The following GMDS variants were observed in gnomAD, a reference collection of about 807,000 sequenced individuals.
The protein encoded by GMDS is GDP-mannose 4,6-dehydratase.
GMDS carries 20 observed loss-of-function variants against 49.9 expected under a neutral mutation model. That is an observed-to-expected ratio of 0.40 (90% CI 0.28 to 0.58). The LOEUF (loss-of-function observed/expected upper bound fraction) is 0.58. GMDS is among the 20% of genes least tolerant of loss of function. The pLI, the probability that GMDS is intolerant of heterozygous loss-of-function variation, is 0.42. For synonymous variants in GMDS, 177 were observed against 178.6 expected, an observed-to-expected ratio of 0.99 and a Z score of 0.07; for missense variants, 362 against 481.4, an observed-to-expected ratio of 0.75 and a Z score of 2.32.
chr6:1,867,982 A>C (rs1581275447), intron 7 of GMDS, among the ~76,000 whole-genome samples: 1 of 149,452 alleles, frequency 6.7e-6, no homozygotes, highest in Non-Finnish European at 1.5e-5. Flanking sequence ...TTTCCTTCTC[A>C]ACAGCTGTTC....
chr6:2,095,959 T>G (rs1773581365), intron 4 of GMDS, among the ~76,000 whole-genome samples: 1 of 152,134 alleles, frequency 6.6e-6, no homozygotes, highest in Non-Finnish European at 1.5e-5. Context: ...ACATCACAGA[T>G]AGAGCAAGCA....
intron 1 of GMDS, among the ~76,000 whole-genome samples, chr6:2,215,756 T>C (rs1380757517): frequency 6.6e-6 from 1 of 152,194 alleles, no homozygotes; most frequent in Non-Finnish European, 1.5e-5. Context: ...ATCACCTTAT[T>C]CGGACCCTGA....
chr6:1,951,393 T>C (rs1763334936), intron 6 of GMDS, among the ~76,000 whole-genome samples: 1 of 152,192 alleles, frequency 6.6e-6, no homozygotes, highest in African/African-American at 2.4e-5. Context: ...CTGATGTATA[T>C]GATTTCTTAT....
chr6:2,213,687 C>T (rs571134345), intron 1 of GMDS, among the ~76,000 whole-genome samples: 1 of 152,054 alleles, frequency 6.6e-6, no homozygotes. Context: ...AAGGAGAATA[C>T]CAATCAGCGA....
At chr6:1,818,687 T>A (rs1340659358) in intron 7 of GMDS, among the ~76,000 whole-genome samples, 1 of 150,246 alleles carries the variant, frequency 6.7e-6, no homozygotes, top group Non-Finnish European at 1.5e-5. Context: ...TACAAGCACA[T>A]CTATATGTAT....
chr6:1,624,196 C>T lies in GMDS; in HGVS notation c.1092G>A (p.Glu364=). 6.2e-7 allele frequency: 1 copy of T among 1,610,798 alleles called. No individual in the cohort carries two copies. Among genetic ancestry groups the T allele is most frequent in the Non-Finnish European group, 8.5e-7 (1 of 1,179,814 alleles). Residue 364 remains glutamate, a synonymous_variant, in exon 11 of 11, where the codon GAG becomes GAA. Transcript: ENST00000380815. ...AGGCATTGGGGTTTGTCCTCATGAG[C>T]TCCACGTCGGCGTGCACCATCTCCC... The part of the protein sequence containing the change: ...LVREMVHADV[E]LMRTNPNA
chr6:2,181,623 A>C (rs894764722), intron 1 of GMDS, among the ~76,000 whole-genome samples: 1 of 152,098 alleles, frequency 6.6e-6, no homozygotes, highest in Non-Finnish European at 1.5e-5. Context: ...CATTATTATT[A>C]TGTCAGTTGT....
At chr6:1,977,670 A>AC (rs1233956217) in intron 4 of GMDS, among the ~76,000 whole-genome samples, 1 of 152,070 alleles carries the variant, frequency 6.6e-6, no homozygotes, top group African/African-American at 2.4e-5. Context: ...AGGCAAGGGA[A>AC]CCCCCACCCC....
intron 9 of GMDS, among the ~76,000 whole-genome samples, chr6:1,650,859 C>T (rs1441937233): frequency 6.6e-6 from 1 of 152,142 alleles, no homozygotes; most frequent in Admixed American, 6.5e-5. Context: ...GGATTAGAGC[C>T]GTGAACCACT....
intron 1 of GMDS, chr6:2,175,871 C>G (rs1464713751): frequency 2.4e-6 from 2 of 850,624 alleles, no homozygotes; most frequent in Non-Finnish European, 3.8e-6. Context: ...ACATAAACAG[C>G]CCTATCAGGC....
intron 1 of GMDS, among the ~76,000 whole-genome samples, chr6:2,165,923 T>C (rs1183699545): frequency 1.3e-5 from 2 of 151,986 alleles, no homozygotes; most frequent in East Asian, 1.9e-4. Flanking sequence ...AACAGTAGAC[T>C]TGACAAAGGT....
intron 8 of GMDS, among the ~76,000 whole-genome samples, chr6:1,735,735 C>CT: frequency 6.6e-6 from 1 of 152,230 alleles, no homozygotes. Flanking sequence ...CAGCTTACAT[C>CT]TAACTTTCTG....
At chr6:1,970,563 G>A (rs144951922) in intron 4 of GMDS, among the ~76,000 whole-genome samples, 24 of 152,340 alleles carry the variant, frequency 1.6e-4, no homozygotes, top group Admixed American at 7.2e-4. Context: ...ATCCAAAGGC[G>A]ACAGAGACAG....
chr6:1,660,522 G>A (rs1028547105), intron 9 of GMDS, among the ~76,000 whole-genome samples: 8 of 151,798 alleles, frequency 5.3e-5, no homozygotes, highest in East Asian at 1.9e-4. Flanking sequence ...GGAGGAGAAC[G>A]GATGTAGGGG....
chr6:2,115,486 A>C (rs1328883957), intron 4 of GMDS, among the ~76,000 whole-genome samples: 2 of 152,242 alleles, frequency 1.3e-5, no homozygotes, highest in African/African-American at 4.8e-5. Flanking sequence ...AAATGGCAGA[A>C]AACACATCCA....
At chr6:1,625,355 C>T (rs1762820725) in intron 9 of GMDS, 1 of 152,104 alleles carries the variant, frequency 6.6e-6, no homozygotes, top group African/African-American at 2.4e-5. Flanking sequence ...GATTCTGTTC[C>T]TAAGAAAATG....
At chr6:1,864,790 A>G (rs1159722706) in intron 7 of GMDS, among the ~76,000 whole-genome samples, 1 of 152,214 alleles carries the variant, frequency 6.6e-6, no homozygotes, top group Non-Finnish European at 1.5e-5. Context: ...TGTCAGGCTA[A>G]GCTGAGCAGC....
At chr6:2,204,864 C>T (rs1008195236) in intron 1 of GMDS, among the ~76,000 whole-genome samples, 1 of 152,156 alleles carries the variant, frequency 6.6e-6, no homozygotes, top group Non-Finnish European at 1.5e-5. Context: ...CTTTTTTAAG[C>T]CCATGCTTGT....
chr6:2,201,710 A>T (rs1779543708), intron 1 of GMDS, among the ~76,000 whole-genome samples: 1 of 109,420 alleles, frequency 9.1e-6, no homozygotes, highest in East Asian at 3.1e-4. Context: ...ATCCGAGATG[A>T]AACCATCTAG....
Sources: gnomAD v4.1 joint callset for allele counts (sites outside exome capture counted in the v4.1 genomes callset) on GRCh38, gnomAD v4.1.1 for gene constraint, MANE v1.5 for transcripts, NCBI Gene and HGNC (gene_info 2026-07-23, HGNC 2026-07-21) for gene names.